Variants in FARP1 observed in about 807,000 individuals in gnomAD.
The protein encoded by FARP1 is FERM, ARHGEF and pleckstrin domain-containing protein 1.
Under a neutral mutation model 128.8 loss-of-function variants are expected in FARP1, and 52 were observed. The observed-to-expected ratio is 0.40, with a 90% CI of 0.32 to 0.51. The LOEUF (loss-of-function observed/expected upper bound fraction) is 0.51. Among genes scored for constraint, FARP1 ranks in the 20% least tolerant of loss-of-function variants. FARP1 has a pLI of 0.45. For missense variants in FARP1, 1,333 were observed against 1,367.9 expected (o/e 0.97, Z 0.40); for synonymous variants, 580 against 551.8 (o/e 1.05, Z -0.72).
At position 98,363,091 on chromosome 13, in the gene FARP1, T is replaced by C. The variant is rs633935; in HGVS notation, c.277-2304T>C. 5.0e-3 allele frequency among the ~76,000 whole-genome samples: 754 copies of C among 152,292 alleles called. 7 individuals carry two copies. Among genetic ancestry groups the C allele is most frequent in the African/African-American group, 0.017 (719 of 41,564 alleles). ...CGCTGCCAGACTCATCTTTTAAAAA[T>C]ACAAATCTAATCATGTCCTCCCCAT... On this transcript the variant is annotated intron_variant, in intron 3 of 26. Coordinates refer to ENST00000319562, the MANE Select transcript of FARP1 (RefSeq NM_005766.4).
intron 2 of FARP1, among the ~76,000 whole-genome samples, chr13:98,294,373 G>C (rs602552): frequency 0.058 from 8,898 of 152,168 alleles, 879 homozygotes; most frequent in African/African-American, 0.2. Flanking sequence ...TGATAAGAAT[G>C]CTCTTATCAA....
At chr13:98,326,541 A>G (rs1299688062) in intron 2 of FARP1, among the ~76,000 whole-genome samples, 1 of 152,156 alleles carries the variant, frequency 6.6e-6, no homozygotes, top group African/African-American at 2.4e-5. Flanking sequence ...TCTTTTCCAC[A>G]CGTGCTGGTT....
chr13:98,365,308 T>C, intron 3 of FARP1, 87 bp from the exon 4 acceptor site: 1 of 1,064,638 alleles, frequency 9.4e-7, no homozygotes, highest in South Asian at 1.4e-5. Context: ...AATATTTTGA[T>C]TTTAAACAGC....
At chr13:98,395,074 C>T (rs1238234419) in intron 12 of FARP1, among the ~76,000 whole-genome samples, 153 bp from the exon 13 acceptor site, 1 of 152,202 alleles carries the variant, frequency 6.6e-6, no homozygotes, top group African/African-American at 2.4e-5. Flanking sequence ...GATGTGCCTC[C>T]GTGATTGCTG....
At chr13:98,230,007 C>T (rs76911111) in intron 2 of FARP1, among the ~76,000 whole-genome samples, 2 of 152,250 alleles carry the variant, frequency 1.3e-5, no homozygotes, top group East Asian at 1.9e-4. Context: ...ATGGTATAAA[C>T]GACATTTCCT....
At chr13:98,323,001 C>T (rs1262985451) in intron 2 of FARP1, among the ~76,000 whole-genome samples, 2 of 152,282 alleles carry the variant, frequency 1.3e-5, no homozygotes, top group African/African-American at 2.4e-5. Flanking sequence ...TTTGAAAAAA[C>T]AGTAATATTA....
At chr13:98,260,320 A>C (rs1883816166) in intron 2 of FARP1, among the ~76,000 whole-genome samples, 1 of 152,226 alleles carries the variant, frequency 6.6e-6, no homozygotes, top group East Asian at 1.9e-4. Context: ...TCAAGGTGTT[A>C]CTAATCATGG....
At chr13:98,255,232 G>T (rs1883526310) in intron 2 of FARP1, among the ~76,000 whole-genome samples, 1 of 152,126 alleles carries the variant, frequency 6.6e-6, no homozygotes, top group Admixed American at 6.5e-5. Context: ...GGGCACGGTG[G>T]CTCACGCCTG....
At chr13:98,182,308 T>C (rs1878593044) in intron 1 of FARP1, among the ~76,000 whole-genome samples, 1 of 152,100 alleles carries the variant, frequency 6.6e-6, no homozygotes, top group South Asian at 2.1e-4. Context: ...CATTGGTTGG[T>C]TCATTGTTTT....
Position 98,226,557 on chromosome 13 carries a change from G to A in FARP1, c.171+13144G>A, listed in dbSNP as rs138167580. On this transcript the variant is annotated intron_variant, in intron 2 of 26. Transcript: ENST00000319562. Reference sequence around the variant, plus strand: ...TCCCATTGTTTTATTTTAACAAACCGTTTGAAAAATGGCTGTGCTGTTGAC... The same window carrying A: ...TCCCATTGTTTTATTTTAACAAACCATTTGAAAAATGGCTGTGCTGTTGAC... 5.4e-4 allele frequency among the ~76,000 whole-genome samples: 82 copies of A among 150,996 alleles called. 1 individual carries two copies. Among genetic ancestry groups the A allele is most frequent in the African/African-American group, 1.7e-3 (68 of 41,098 alleles).
intron 1 of FARP1, among the ~76,000 whole-genome samples, chr13:98,157,509 C>T (rs1876575985): frequency 6.6e-6 from 1 of 152,160 alleles, no homozygotes; most frequent in Non-Finnish European, 1.5e-5. Flanking sequence ...CGGGTGCCAG[C>T]GTGGACCCTC....
At chr13:98,252,657 C>G (rs1204983451) in intron 2 of FARP1, among the ~76,000 whole-genome samples, 2 of 152,158 alleles carry the variant, frequency 1.3e-5, no homozygotes, top group Non-Finnish European at 2.9e-5. Context: ...GTACTGTGTT[C>G]TTTAAACATT....
Position 98,395,225 on chromosome 13 carries a change from A to G in FARP1, c.1165-2A>G, listed in dbSNP as rs1288479689. 14 of 1,589,038 alleles carry G rather than the reference A, an allele frequency of 8.8e-6. No homozygotes were observed. The highest frequency in any genetic ancestry group is 1.1e-5 in the Non-Finnish European group (13 of 1,160,552). On this transcript the variant is annotated splice_acceptor_variant, in intron 12 of 26. Transcript: ENST00000319562. LOFTEE classifies it high-confidence loss of function. Reference sequence around the variant, plus strand: ...CCGCACCTTTTTCCCCACCCCACCCAGTCTCAGCAGAGCACCAGCCTTACA... The same window carrying G: ...CCGCACCTTTTTCCCCACCCCACCCGGTCTCAGCAGAGCACCAGCCTTACA...
intron 2 of FARP1, among the ~76,000 whole-genome samples, chr13:98,269,634 A>T (rs1566815373): frequency 6.6e-6 from 1 of 152,222 alleles, no homozygotes; most frequent in Non-Finnish European, 1.5e-5. Flanking sequence ...GGTCAACATA[A>T]TATTTAGCTT....
At chr13:98,190,877 G>A (rs1879185338) in intron 1 of FARP1, among the ~76,000 whole-genome samples, 1 of 152,022 alleles carries the variant, frequency 6.6e-6, no homozygotes. Context: ...ATCTATGAGT[G>A]ATCATTCCAT....
intron 1 of FARP1, among the ~76,000 whole-genome samples, chr13:98,146,095 C>T (rs143620560): frequency 6.6e-6 from 1 of 152,046 alleles, no homozygotes; most frequent in East Asian, 1.9e-4. Context: ...CTCTTTTCAT[C>T]CTGGACGGGA....
intron 16 of FARP1, among the ~76,000 whole-genome samples, chr13:98,417,374 C>T (rs1891415840): frequency 7.0e-6 from 1 of 142,372 alleles, no homozygotes; most frequent in African/African-American, 2.6e-5. Flanking sequence ...TCGACTATAC[C>T]TTTATGGCAG....
At chr13:98,392,565 C>T (rs1890354854) in intron 11 of FARP1, among the ~76,000 whole-genome samples, 1 of 151,526 alleles carries the variant, frequency 6.6e-6, no homozygotes, top group African/African-American at 2.4e-5. Context: ...TATAAGTACT[C>T]CCATATATAA....
chr13:98,388,331 C>T, intron 8 of FARP1, 52 bp from the exon 9 acceptor site: 1 of 1,399,654 alleles, frequency 7.1e-7, no homozygotes, highest in East Asian at 2.3e-5. Flanking sequence ...GACCAACTCC[C>T]AAGTTGCTTG....
Sources: allele counts gnomAD v4.1 joint callset (sites outside exome capture counted in the v4.1 genomes callset), GRCh38; gene constraint gnomAD v4.1.1; transcripts MANE v1.5; gene names NCBI Gene and HGNC (gene_info 2026-07-23, HGNC 2026-07-21).